Variants in KCNQ2 observed in about 807,000 individuals in gnomAD.
KCNQ2 encodes the protein potassium voltage-gated channel subfamily Q member 2.
In KCNQ2, 14 loss-of-function variants were observed where a neutral mutation model predicts 84.8. That is an observed-to-expected ratio of 0.17 (90% CI 0.11 to 0.26). The LOEUF (loss-of-function observed/expected upper bound fraction) is 0.26, where lower values mean the gene tolerates loss of function less well. Ranked by LOEUF, KCNQ2 falls within the 10% of genes least tolerant of loss-of-function variation. The pLI is 1.00. For missense variants in KCNQ2, 788 were observed against 1,254.0 expected, an observed-to-expected ratio of 0.63 and a Z score of 5.61; for synonymous variants, 599 against 554.1, an observed-to-expected ratio of 1.08 and a Z score of -1.14.
intron 1 of KCNQ2, among the ~76,000 whole-genome samples, chr20:63,457,398 G>C (rs2081831475): frequency 6.6e-6 from 1 of 152,252 alleles, no homozygotes; most frequent in African/African-American, 2.4e-5. Flanking sequence ...ACTGGACCCT[G>C]ACAGGACACA....
Position 63,444,834 on chromosome 20 carries a change from T to C in KCNQ2, c.515A>G (p.Asp172Gly), listed in dbSNP as rs1555873823. The change falls in exon 4 of 17, where the codon GAC becomes GGC. Residue 172 changes from aspartate to glycine, a missense_variant and splice_region_variant. Physicochemically the swap from Asp to Gly is moderately conservative, Grantham distance 94. Around this residue, in one of 8 missense-constraint regions of KCNQ2, gnomAD observed 106 missense variants for 214.8 expected, o/e 0.49. Transcript: ENST00000359125. Reference protein sequence around the residue: ...KFARKPFCVIDIMVLIASIAV... With the variant: ...KFARKPFCVIGIMVLIASIAV... ...AATGGAGGCGATGAGCACCATGATG[T>C]CTACAAAGCGGGCGTGGAGCTGGTG... The C allele has an allele frequency of 6.3e-7, 1 of 1,590,336 alleles. No homozygotes were observed. Among genetic ancestry groups the C allele is most frequent in the Non-Finnish European group, 8.6e-7 (1 of 1,164,840 alleles).
chr20:63,424,689 G>A (rs1224025391), intron 10 of KCNQ2: 3 of 169,144 alleles, frequency 1.8e-5, no homozygotes, highest in Admixed American at 5.8e-5. Context: ...GCTCCACTGC[G>A]CCACAGTCAG....
At chr20:63,461,526 G>A (rs544173778) in intron 1 of KCNQ2, among the ~76,000 whole-genome samples, 1 of 152,182 alleles carries the variant, frequency 6.6e-6, no homozygotes, top group Non-Finnish European at 1.5e-5. Flanking sequence ...TCTGGCCCAC[G>A]AGGAGCCGCA....
At chr20:63,416,113 C>T (rs1057095627) in intron 12 of KCNQ2, among the ~76,000 whole-genome samples, 7 of 151,500 alleles carry the variant, frequency 4.6e-5, no homozygotes, top group African/African-American at 9.7e-5. Context: ...GAATGGATAA[C>T]GGGGCTCCTC....
chr20:63,423,293 G>A (rs779250345), intron 11 of KCNQ2, among the ~76,000 whole-genome samples: 7 of 152,078 alleles, frequency 4.6e-5, no homozygotes, highest in Admixed American at 6.6e-5. Context: ...GCAGTGTCTC[G>A]CCAGCTGTCA....
At chr20:63,436,523 T>A (rs375497071) in intron 7 of KCNQ2, among the ~76,000 whole-genome samples, 3 of 143,748 alleles carry the variant, frequency 2.1e-5, no homozygotes, top group Non-Finnish European at 4.5e-5. Flanking sequence ...AGAGCGAGAC[T>A]CCGTCTCAAA....
chr20:63,435,894 C>CGAT (rs141860509), intron 7 of KCNQ2, among the ~76,000 whole-genome samples: 139,746 of 151,826 alleles, frequency 0.92, 64,324 homozygotes, highest in East Asian at 1. Flanking sequence ...GCTCATCTCT[C>CGAT]GAGAGTCCCC....
intron 4 of KCNQ2, among the ~76,000 whole-genome samples, chr20:63,443,343 T>A (rs1432590200): frequency 1.4e-4 from 1 of 7,320 alleles, no homozygotes; most frequent in Non-Finnish European, 3.2e-4. Context: ...ATCACCACCA[T>A]CACCACCACC....
intron 1 of KCNQ2, among the ~76,000 whole-genome samples, chr20:63,455,468 C>A (rs1030929058): frequency 6.6e-6 from 1 of 152,166 alleles, no homozygotes; most frequent in Non-Finnish European, 1.5e-5. Flanking sequence ...CATCAGACAG[C>A]CCCAGATCAC....
At position 63,407,131 on chromosome 20, in the gene KCNQ2, T is replaced by G. The variant is rs2145486666; in HGVS notation, c.2132A>C (p.Gln711Pro). ...FSAPPAAPPV[Q>P]CPPSTSWQPQ... is the part of the protein sequence containing the mutation. ...CTGCCAGGAGGTGGAGGGCGGACAC[T>G]GGACAGGGGGCGCGGCCGGGGGCGC... Residue 711 changes from glutamine (Q) to proline (P), a missense_variant, in exon 17 of 17, where the codon CAG becomes CCG. By Grantham distance (76) the Gln-to-Pro change is moderately conservative. Around this residue, in one of 8 missense-constraint regions of KCNQ2, gnomAD observed 378 missense variants for 434.5 expected, o/e 0.87. Transcript: ENST00000359125. The surrounding 1 kb of genome is among the most constrained non-coding windows in gnomAD (Gnocchi z 7.2). 1.3e-6 allele frequency: 2 copies of G among 1,561,388 alleles called. No individual in the cohort carries two copies. Among genetic ancestry groups the G allele is most frequent in the Non-Finnish European group, 1.7e-6 (2 of 1,157,008 alleles).
chr20:63,423,392 A>AG (rs2145610725), intron 11 of KCNQ2: 1 of 152,332 alleles, frequency 6.6e-6, no homozygotes, highest in South Asian at 2.1e-4. Context: ...GATGGGGCAC[A>AG]GGGGGCCCAG....
rs1366982236 is a variant in KCNQ2 at position 63,438,778 on chromosome 20, G to T, written c.928-58C>A. 16 of 1,508,582 alleles carry T rather than the reference G, an allele frequency of 1.1e-5. No individual in the cohort carries two copies. Among genetic ancestry groups the T allele is most frequent in the Middle Eastern group, 3.4e-4 (2 of 5,844 alleles). The allele number at this position is 1,508,582 out of a possible 1,614,324, so 93.4% of individuals were successfully genotyped here. On this transcript the variant is annotated intron_variant, in intron 6 of 16. Transcript: ENST00000359125. The surrounding 1 kb of genome is among the most constrained non-coding windows in gnomAD (Gnocchi z 5.1). ...GGACCCCCCACACCCCAATTCATCA[G>T]GGTCAGACCATGCTCTGGGGCCCCA...
In KCNQ2 at chr20:63,439,723, G is replaced by A. The variant is rs776870050; in HGVS notation, c.817-15C>T. On this transcript the variant is annotated splice_polypyrimidine_tract_variant and intron_variant, in intron 5 of 16. Coordinates refer to ENST00000359125, the MANE Select transcript of KCNQ2 (RefSeq NM_172107.4). ...GTCAGCGTGATCTGTGGGACCGCAG[G>A]CTCTAGTCACACGAAGGGCCTGCTC... 1 of 1,588,176 alleles carries A rather than the reference G, an allele frequency of 6.3e-7. No homozygotes were observed. Among genetic ancestry groups the A allele is most frequent in the Non-Finnish European group, 8.6e-7 (1 of 1,156,948 alleles).
intron 1 of KCNQ2, among the ~76,000 whole-genome samples, chr20:63,464,116 A>G (rs1161504109): frequency 6.6e-6 from 1 of 152,130 alleles, no homozygotes; most frequent in Non-Finnish European, 1.5e-5. Flanking sequence ...TCAGTTCCAG[A>G]GCACGTCTGG....
rs773848349 is a variant in KCNQ2 at position 63,411,842 on chromosome 20, G to A, written c.1763+1608C>T. 49 of 703,910 alleles carry A rather than the reference G, an allele frequency of 7.0e-5. No individual in the cohort carries two copies. The South Asian group carries it at 7.1e-4, about 10-fold the overall frequency. The allele number at this position is 703,910 out of a possible 1,614,324, so 43.6% of individuals were successfully genotyped here. A position where few individuals can be genotyped will look rare whatever the true frequency, so the allele number is the denominator to read the frequency against. ...CCTTTGGTGGGGTACTTCTTGTGCCGGGGAGTTGAAGGGGGCGGGGGACCC... is the reference window on the plus strand; with the variant it reads ...CCTTTGGTGGGGTACTTCTTGTGCCAGGGAGTTGAAGGGGGCGGGGGACCC... On this transcript the variant is annotated intron_variant, in intron 15 of 16. Coordinates refer to ENST00000359125, the MANE Select transcript of KCNQ2 (RefSeq NM_172107.4).
At chr20:63,456,646 C>A (rs1411928961) in intron 1 of KCNQ2, among the ~76,000 whole-genome samples, 6 of 152,254 alleles carry the variant, frequency 3.9e-5, no homozygotes, top group Non-Finnish European at 2.9e-5. Context: ...CCATGACCTG[C>A]CAGGAGGGAA....
intron 1 of KCNQ2, among the ~76,000 whole-genome samples, chr20:63,465,698 G>A (rs942060262): frequency 2.0e-5 from 3 of 152,122 alleles, no homozygotes; most frequent in Admixed American, 6.5e-5. Flanking sequence ...AACAGGTGCC[G>A]CCCACCCTAC....
In KCNQ2 at chr20:63,442,725, T is replaced by C. The variant is rs532897092; in HGVS notation, c.691-194A>G. ...ATCACCATCACCACCACCACCACCA[T>C]CATCACCACCTCCACCATCACCACC... On this transcript the variant is annotated intron_variant, in intron 4 of 16. Coordinates refer to ENST00000359125, the MANE Select transcript of KCNQ2 (RefSeq NM_172107.4). Among the ~76,000 whole-genome samples, 3,768 of 32,154 alleles carry C rather than the reference T, an allele frequency of 0.12. 529 individuals carry two copies. The highest frequency in any genetic ancestry group is 0.52 in the East Asian group (490 of 942). The allele number at this position is 32,154 out of a possible 152,430, so 21.1% of individuals were successfully genotyped here. A position where few individuals can be genotyped will look rare whatever the true frequency, so the allele number is the denominator to read the frequency against.
chr20:63,454,442 C>T (rs1427643903), intron 1 of KCNQ2, among the ~76,000 whole-genome samples: 1 of 152,234 alleles, frequency 6.6e-6, no homozygotes, highest in African/African-American at 2.4e-5. Context: ...AGGGAGGAGG[C>T]GGCACGGGGT....
Sources: allele counts gnomAD v4.1 joint callset (sites outside exome capture counted in the v4.1 genomes callset), GRCh38; gene constraint gnomAD v4.1.1; regional missense constraint gnomAD v4.1.1; non-coding constraint Gnocchi (gnomAD v3.1); transcripts MANE v1.5; gene names NCBI Gene and HGNC (gene_info 2026-07-23, HGNC 2026-07-21).